Variants in AOPEP observed in about 807,000 individuals in gnomAD.
The protein encoded by AOPEP is aminopeptidase O (putative).
AOPEP carries 77 observed loss-of-function variants against 98.1 expected under a neutral mutation model. That is an observed-to-expected ratio of 0.78 (90% confidence interval 0.65 to 0.95). The LOEUF is 0.95. Ranked by LOEUF, AOPEP falls within the 40% of genes least tolerant of loss-of-function variation. AOPEP has a pLI of 0.00. For missense variants in AOPEP, 1,024 were observed against 1,024.7 expected (o/e 1.00, Z 0.01); for synonymous variants, 346 against 365.3 (o/e 0.95, Z 0.60).
chr9:95,005,511 T>C (rs1378790889), intron 12 of AOPEP, 31 bp from the exon 13 acceptor site: 2 of 1,604,844 alleles, frequency 1.2e-6, no homozygotes, highest in Non-Finnish European at 1.7e-6. Context: ...CCTGTCGCCT[T>C]CTTTGAAATG....
the AOPEP span, among the ~76,000 whole-genome samples, chr9:95,141,551 T>C: frequency 1.3e-5 from 2 of 152,224 alleles, no homozygotes; most frequent in South Asian, 2.1e-4. Context: ...ATCTTGATTG[T>C]AGGTCGGCCC....
rs187697277 is a variant in AOPEP at position 94,782,574 on chromosome 9, C to T, written c.964+9406C>T. On this transcript the variant is annotated intron_variant, in intron 3 of 16. Transcript: ENST00000375315. ...TTTCAAATGAGCAGTACTATTTAGACTGCTCCCATAGTATGCAACCAGGAA... is the reference window on the plus strand; with the variant it reads ...TTTCAAATGAGCAGTACTATTTAGATTGCTCCCATAGTATGCAACCAGGAA... Among the ~76,000 whole-genome samples the T allele has an allele frequency of 3.2e-4, 48 of 152,328 alleles. 1 individual carries two copies. The East Asian group carries it at 8.5e-3, about 27-fold the overall frequency.
At chr9:94,973,431 A>T (rs10993423) in intron 10 of AOPEP, among the ~76,000 whole-genome samples, 5,583 of 152,326 alleles carry the variant, frequency 0.037, 221 homozygotes, top group East Asian at 0.11. Context: ...AAAGAGATGA[A>T]CAATTGGTTA....
intron 14 of AOPEP, among the ~76,000 whole-genome samples, chr9:95,077,354 G>C (rs947296746): frequency 6.6e-6 from 1 of 152,174 alleles, no homozygotes; most frequent in Non-Finnish European, 1.5e-5. Flanking sequence ...CTTCCTAATC[G>C]TGCAGAGAAG....
intron 5 of AOPEP, among the ~76,000 whole-genome samples, chr9:94,873,497 G>C (rs1343430076): frequency 6.6e-6 from 1 of 152,204 alleles, no homozygotes; most frequent in Non-Finnish European, 1.5e-5. Flanking sequence ...AGTTGCATGA[G>C]TGGTTAGGAG....
At chr9:94,822,474 C>T (rs118118360) in intron 5 of AOPEP, among the ~76,000 whole-genome samples, 173 of 152,344 alleles carry the variant, frequency 1.1e-3, no homozygotes, top group Non-Finnish European at 2.1e-3. Flanking sequence ...CTAATTCCAA[C>T]AGCAGAGTAT....
chr9:94,954,334 A>G (rs1023746700), intron 7 of AOPEP, among the ~76,000 whole-genome samples: 1 of 152,188 alleles, frequency 6.6e-6, no homozygotes, highest in Non-Finnish European at 1.5e-5. Flanking sequence ...CGAAGGAAAA[A>G]AAAGACTTTG....
intron 8 of AOPEP, 113 bp downstream of exon 8, chr9:94,955,392 T>A (rs1056846810): frequency 1.5e-6 from 1 of 665,992 alleles, no homozygotes; most frequent in East Asian, 2.7e-5. Flanking sequence ...TGTAATGATA[T>A]CTGACTGGCC....
At chr9:95,114,566 G>T in the AOPEP span, 1 of 1,398,632 alleles carries the variant, frequency 7.1e-7, no homozygotes, top group Non-Finnish European at 1.0e-6. Flanking sequence ...TGCTCAAAGG[G>T]CAGATGAGGA....
intron 9 of AOPEP, 149 bp downstream of exon 9, chr9:94,956,164 G>A: frequency 1.8e-6 from 1 of 563,380 alleles, no homozygotes; most frequent in South Asian, 2.7e-5. Flanking sequence ...TGGACACAAA[G>A]AAAGGGTTGC....
rs537404216 is a variant in AOPEP at position 94,797,594 on chromosome 9, A to C, written c.1119-3163A>C. 7.9e-5 allele frequency among the ~76,000 whole-genome samples: 12 copies of C among 152,306 alleles called. No individual in the cohort carries two copies. In the South Asian group the frequency reaches 8.3e-4, roughly 11 times the overall value. On this transcript the variant is annotated intron_variant, in intron 4 of 16. Transcript: ENST00000375315. ...TTAAGTATAATTAACATACAACAAA[A>C]CGTGCAGATCTTAAGTGTTCAGCTT... is the stretch of plus-strand genomic sequence containing the variant.
chr9:95,115,710 G>A, the AOPEP span, among the ~76,000 whole-genome samples: 1 of 152,184 alleles, frequency 6.6e-6, no homozygotes. Context: ...TGGACAAACT[G>A]CTGCTACTCC....
At chr9:95,092,844 A>G in the AOPEP span, among the ~76,000 whole-genome samples, 2 of 152,152 alleles carry the variant, frequency 1.3e-5, no homozygotes, top group Non-Finnish European at 2.9e-5. Context: ...GCGAGCTCTG[A>G]AAGGCAGGAG....
intron 13 of AOPEP, among the ~76,000 whole-genome samples, chr9:95,053,707 TTTGTTGTTG>T (rs60251468): frequency 1.1e-4 from 17 of 150,726 alleles, no homozygotes; most frequent in South Asian, 6.3e-4. Flanking sequence ...TTAATTCATT[TTTGTTGTTG>T]TTGTTGTTGT....
rs1276190707 is a variant in AOPEP at position 94,792,825 on chromosome 9, C to A, written c.1025C>A (p.Ala342Glu). The change falls in exon 4 of 17, where the codon GCA (alanine) becomes GAA (glutamate). Residue 342 changes from alanine (A) to glutamate (E), a missense_variant. Around this residue, in one of 3 missense-constraint regions of AOPEP, gnomAD observed 440 missense variants for 433.8 expected, o/e 1.01. Coordinates refer to ENST00000375315, the MANE Select transcript of AOPEP (RefSeq NM_001193329.3). ...ATGCCAGCCTCCACCTTCACAATTG[C>A]AGTGGGATGCTGGACAGAAATGAAG... is the stretch of plus-strand genomic sequence containing the variant. ...MPMPASTFTI[A>E]VGCWTEMKME... The A allele has an allele frequency of 6.2e-6, 10 of 1,613,336 alleles. No individual in the cohort carries two copies. Among genetic ancestry groups the A allele is most frequent in the Non-Finnish European group, 8.5e-6 (10 of 1,179,532 alleles).
the AOPEP span, chr9:95,142,335 GC>G: frequency 6.5e-6 from 1 of 152,914 alleles, no homozygotes; most frequent in Non-Finnish European, 1.5e-5. Flanking sequence ...TTGCTACATT[GC>G]CCAGGCTGGA....
rs1008541196 is a variant in AOPEP, at chr9:95,066,333, T to TA, written c.2232+5528dup. Among the ~76,000 whole-genome samples the TA allele has an allele frequency of 5.9e-5, 9 of 152,206 alleles. No individual in the cohort carries two copies. In the South Asian group the frequency reaches 1.2e-3, roughly 21 times the overall value. ...TACTGTGATAAAGGGATTTTTTTTT[T>TA]AAAAAGCTGATCTAAAATCACAAAG... On this transcript the variant is annotated intron_variant, in intron 14 of 16. Transcript: ENST00000375315.
chr9:94,736,180 G>T (rs1587957583), intron 1 of AOPEP, among the ~76,000 whole-genome samples: 1 of 152,162 alleles, frequency 6.6e-6, no homozygotes, highest in East Asian at 1.9e-4. Context: ...TCTTAGAGGG[G>T]ATTCCTATAG....
At chr9:95,148,590 A>C in the AOPEP span, among the ~76,000 whole-genome samples, 1 of 152,238 alleles carries the variant, frequency 6.6e-6, no homozygotes, top group Non-Finnish European at 1.5e-5. Context: ...ATTTCTGATG[A>C]GCTCCATGGT....
Sources: allele counts gnomAD v4.1 joint callset (sites outside exome capture counted in the v4.1 genomes callset), GRCh38; gene constraint gnomAD v4.1.1; regional missense constraint gnomAD v4.1.1; transcripts MANE v1.5; gene names NCBI Gene and HGNC (gene_info 2026-07-23, HGNC 2026-07-21).